Variants in CHST3 observed in about 807,000 individuals in gnomAD.
CHST3 encodes carbohydrate sulfotransferase 3.
CHST3 carries 20 observed loss-of-function variants against 35.4 expected under a neutral mutation model. The observed-to-expected ratio is 0.57, with a 90% CI of 0.40 to 0.82. CHST3 has a LOEUF of 0.82. Among genes scored for constraint, CHST3 ranks in the 40% least tolerant of loss-of-function variants. The pLI, the probability that CHST3 is intolerant of heterozygous loss-of-function variation, is 0.00. For synonymous variants in CHST3, 334 were observed against 295.9 expected, an observed-to-expected ratio of 1.13 and a Z score of -1.32; for missense variants, 693 against 670.1, an observed-to-expected ratio of 1.03 and a Z score of -0.38.
intron 1 of CHST3, among the ~76,000 whole-genome samples, chr10:71,982,026 C>G (rs933860640): frequency 6.6e-6 from 1 of 152,198 alleles, no homozygotes; most frequent in Non-Finnish European, 1.5e-5. Flanking sequence ...TTTAAGGAAG[C>G]AGGTGCTTAT....
intron 1 of CHST3, among the ~76,000 whole-genome samples, chr10:71,977,337 T>G (rs1369703656): frequency 6.6e-6 from 1 of 152,188 alleles, no homozygotes; most frequent in Non-Finnish European, 1.5e-5. Flanking sequence ...CCTCTTGTCT[T>G]GCAGGGCAGT....
chr10:71,999,990 A>T (rs966654802), intron 1 of CHST3, among the ~76,000 whole-genome samples: 22 of 152,166 alleles, frequency 1.4e-4, no homozygotes, highest in African/African-American at 4.6e-4. Context: ...AGAATTCAAG[A>T]GACTAAAGTT....
intron 1 of CHST3, among the ~76,000 whole-genome samples, chr10:71,967,279 A>G (rs1289752108): frequency 6.6e-6 from 1 of 152,124 alleles, no homozygotes; most frequent in Non-Finnish European, 1.5e-5. Context: ...GGTCTGACAC[A>G]CTGCACAGGC....
intron 1 of CHST3, among the ~76,000 whole-genome samples, chr10:71,991,403 T>C (rs548680122): frequency 6.6e-6 from 1 of 152,356 alleles, no homozygotes; most frequent in Non-Finnish European, 1.5e-5. Context: ...TCCGCCTTTT[T>C]CTGCTGAAAT....
At chr10:71,981,651 G>A (rs998117185) in intron 1 of CHST3, among the ~76,000 whole-genome samples, 2 of 152,168 alleles carry the variant, frequency 1.3e-5, no homozygotes, top group Non-Finnish European at 2.9e-5. Context: ...AGGGAGAAAC[G>A]CCCATCCCAG....
At chr10:71,990,253 A>C (rs1839885138) in intron 1 of CHST3, among the ~76,000 whole-genome samples, 1 of 152,152 alleles carries the variant, frequency 6.6e-6, no homozygotes, top group Admixed American at 6.5e-5. Flanking sequence ...AAAATCAAGG[A>C]GCCAGCAGAT....
At position 71,987,559 on chromosome 10, in the gene CHST3, C is replaced by CA. The variant is rs1055071220; in HGVS notation, c.-107-18170dup. Among the ~76,000 whole-genome samples, 10 of 151,714 alleles carry CA rather than the reference C, an allele frequency of 6.6e-5. No homozygotes were observed. In the East Asian group the frequency reaches 1.2e-3, roughly 18 times the overall value. ...TGAAACCCTGTCTGTACTAAAAATA[C>CA]AAAAAAATTAGCTGGGCGTGGTGGT... On this transcript the variant is annotated intron_variant, in intron 1 of 2. Transcript: ENST00000373115.
intron 1 of CHST3, among the ~76,000 whole-genome samples, chr10:71,992,159 CT>C (rs1839902361): frequency 6.6e-6 from 1 of 151,986 alleles, no homozygotes; most frequent in Admixed American, 6.6e-5. Flanking sequence ...ATGGCAATTT[CT>C]TTCTTTCTTT....
chr10:71,992,173 A>AT (rs1036141416), intron 1 of CHST3, among the ~76,000 whole-genome samples: 46 of 151,020 alleles, frequency 3.0e-4, no homozygotes, highest in African/African-American at 4.9e-4. Flanking sequence ...CTTTCTTTTT[A>AT]TTTTTTTTGT....
intron 1 of CHST3, among the ~76,000 whole-genome samples, chr10:71,987,545 C>A (rs927795803): frequency 4.6e-5 from 7 of 151,954 alleles, no homozygotes; most frequent in Non-Finnish European, 8.8e-5. Context: ...GAAACCCTGT[C>A]TGTACTAAAA....
In CHST3 at chr10:71,971,249, G is replaced by C. The variant is rs4148916; in HGVS notation, c.-108+6555G>C. Among the ~76,000 whole-genome samples the C allele has an allele frequency of 1.2e-4, 19 of 152,284 alleles. 1 individual carries two copies. The East Asian group carries it at 3.7e-3, about 29-fold the overall frequency. Reference sequence around the variant, plus strand: ...TTGGGGAGTGGGGCACTGCTGGAAGGTTCTGGTTCCTGCTTTGTTCTGCTG... The same window carrying C: ...TTGGGGAGTGGGGCACTGCTGGAAGCTTCTGGTTCCTGCTTTGTTCTGCTG... On this transcript the variant is annotated intron_variant, in intron 1 of 2. Transcript: ENST00000373115.
Position 71,981,981 on chromosome 10 carries a change from G to T in CHST3, c.-108+17287G>T, listed in dbSNP as rs113654739. The stretch of plus-strand genomic sequence containing the variant: ...AGCATCACTGGCCTCCAGTCTGTCA[G>T]ATGCTGTGCTAAGCATTTAACTTGG... On this transcript the variant is annotated intron_variant, in intron 1 of 2. Transcript: ENST00000373115. Among the ~76,000 whole-genome samples the T allele has an allele frequency of 5.8e-4, 88 of 152,350 alleles. 1 individual carries two copies. The highest frequency in any genetic ancestry group is 2.1e-3 in the African/African-American group (86 of 41,582).
At chr10:71,978,696 C>G (rs1396113099) in intron 1 of CHST3, among the ~76,000 whole-genome samples, 1 of 152,202 alleles carries the variant, frequency 6.6e-6, no homozygotes. Context: ...GGCACAGGAG[C>G]CTGCCTGGTA....
Position 72,008,609 on chromosome 10 carries a change from A to T in CHST3, c.*138A>T. The stretch of plus-strand genomic sequence containing the variant: ...CAGTAGGGCCCCCAGCCAGCGCTCC[A>T]GCCAAAGCGGCGGCCCCAGGGTTAA... On this transcript the variant is annotated 3_prime_UTR_variant, in exon 3 of 3. Coordinates refer to ENST00000373115, the MANE Select transcript of CHST3 (RefSeq NM_004273.5). 1.4e-6 allele frequency: 2 copies of T among 1,425,832 alleles called. No homozygotes were observed. The highest frequency in any genetic ancestry group is 1.8e-6 in the Non-Finnish European group (2 of 1,092,338). 88.3% of individuals were successfully genotyped at this position (1,425,832 alleles called of 1,614,324 possible).
rs4148944 is a variant in CHST3 at position 72,009,785 on chromosome 10, G to A, written c.*1314G>A. ...TATTGCTTAACGCAGGATGTGCTGG[G>A]TGTTTTGTTTCGGGCTTTTATTTAT... On this transcript the variant is annotated 3_prime_UTR_variant, in exon 3 of 3. Coordinates refer to ENST00000373115, the MANE Select transcript of CHST3 (RefSeq NM_004273.5). The A allele has an allele frequency of 0.17, 25,456 of 152,682 alleles. 2,591 individuals are homozygous for A. Among genetic ancestry groups the A allele is most frequent in the African/African-American group, 0.29 (11,974 of 41,484 alleles). The allele number at this position is 152,682 out of a possible 1,614,324, so 9.5% of individuals were successfully genotyped here.
chr10:72,007,313 C>T lies in CHST3; in HGVS notation c.282C>T (p.Leu94=), dbSNP rs1244065443. 1.9e-6 allele frequency: 3 copies of T among 1,612,660 alleles called. No homozygotes were observed. The highest frequency in any genetic ancestry group is 4.5e-5 in the East Asian group (2 of 44,856). The stretch of plus-strand genomic sequence containing the variant: ...CCTTCTCCCAGCTTCAGAGCCGTCT[C>T]CGCAACCTCAGCTTGCAGCTGGGCG... The part of the protein sequence containing the change: ...DSAFSQLQSR[L]RNLSLQLGVE... Residue 94 remains leucine (L), a synonymous_variant, in exon 3 of 3, where the codon CTC becomes CTT. Coordinates refer to ENST00000373115, the MANE Select transcript of CHST3 (RefSeq NM_004273.5).
intron 1 of CHST3, among the ~76,000 whole-genome samples, chr10:71,974,539 G>A (rs1839726856): frequency 6.6e-6 from 1 of 152,172 alleles, no homozygotes. Context: ...GCAACTGTGG[G>A]TCCCTGGGGC....
rs1389357558 is a variant in CHST3, at chr10:72,007,887, C to T, written c.856C>T (p.Leu286=). Residue 286 remains leucine (L), a synonymous_variant, in exon 3 of 3, where the codon CTG becomes TTG. Coordinates refer to ENST00000373115, the MANE Select transcript of CHST3 (RefSeq NM_004273.5). The part of the protein sequence containing the change: ...RIRQLEFLQP[L]AEDPRLDLRV... Reference sequence around the variant, plus strand: ...CCGGCAGCTGGAGTTCCTGCAGCCGCTGGCCGAGGACCCCCGCCTGGACCT... The same window carrying T: ...CCGGCAGCTGGAGTTCCTGCAGCCGTTGGCCGAGGACCCCCGCCTGGACCT... 1 of 1,586,012 alleles carries T rather than the reference C, an allele frequency of 6.3e-7. No homozygotes were observed. Among genetic ancestry groups the T allele is most frequent in the Non-Finnish European group, 8.6e-7 (1 of 1,167,120 alleles).
At chr10:71,996,679 G>A (rs1236817885) in intron 1 of CHST3, among the ~76,000 whole-genome samples, 1 of 152,260 alleles carries the variant, frequency 6.6e-6, no homozygotes, top group Non-Finnish European at 1.5e-5. Flanking sequence ...GGGGAAGAAG[G>A]CCAGCCTACA....
Sources: allele counts gnomAD v4.1 joint callset (sites outside exome capture counted in the v4.1 genomes callset), GRCh38; gene constraint gnomAD v4.1.1; transcripts MANE v1.5; gene names NCBI Gene and HGNC (gene_info 2026-07-23, HGNC 2026-07-21).